Variants in EIF3A observed in about 807,000 individuals in gnomAD.
EIF3A encodes eukaryotic translation initiation factor 3 subunit A.
Under a neutral mutation model 186.6 loss-of-function variants are expected in EIF3A, and 21 were observed. The observed-to-expected ratio is 0.11, with a 90% CI of 0.08 to 0.16. The LOEUF is 0.16. Ranked by LOEUF, EIF3A falls within the 10% of genes least tolerant of loss-of-function variation. The pLI is 1.00. For synonymous variants in EIF3A, 563 were observed against 584.3 expected, an observed-to-expected ratio of 0.96 and a Z score of 0.52; for missense variants, 1,306 against 1,796.3, an observed-to-expected ratio of 0.73 and a Z score of 4.93.
intron 15 of EIF3A, 42 bp from the exon 16 acceptor site, chr10:119,050,716 G>T (rs778536794): frequency 6.2e-7 from 1 of 1,608,700 alleles, no homozygotes; most frequent in Non-Finnish European, 8.5e-7. Context: ...GGCACACTTT[G>T]TCAAGAGCAA....
chr10:119,072,773 T>C (rs1844099481), intron 4 of EIF3A, 117 bp downstream of exon 4: 20 of 1,282,150 alleles, frequency 1.6e-5, no homozygotes, highest in Non-Finnish European at 1.9e-5. Context: ...TTAATACTCA[T>C]GTGAATGCCA....
intron 9 of EIF3A, 131 bp from the exon 10 acceptor site, chr10:119,059,849 C>A: frequency 1.0e-5 from 7 of 698,034 alleles, no homozygotes; most frequent in East Asian, 2.6e-5. Flanking sequence ...TTGTTAAAGC[C>A]AGAATGCTAA....
rs538033139 is a variant in EIF3A, at chr10:119,080,811, G to A, written c.-135C>T. 27 of 1,417,400 alleles carry A rather than the reference G, an allele frequency of 1.9e-5. No homozygotes were observed. In the Admixed American group the frequency reaches 2.4e-4, roughly 13 times the overall value. 87.8% of individuals were successfully genotyped at this position (1,417,400 alleles called of 1,614,324 possible). On this transcript the variant is annotated 5_prime_UTR_variant, in exon 1 of 22. Transcript: ENST00000369144. The stretch of plus-strand genomic sequence containing the variant: ...CGCCCGCGCCCAGCCGGCCAGAGAC[G>A]GAAAGGAAGGAGCCACGTGACCTCC...
intron 12 of EIF3A, 38 bp downstream of exon 12, chr10:119,057,918 G>A (rs1564754475): frequency 1.3e-6 from 2 of 1,544,414 alleles, no homozygotes; most frequent in South Asian, 1.2e-5. Context: ...AAAATACCTG[G>A]ATAAAACTAA....
chr10:119,061,192 G>C (rs758994391), intron 8 of EIF3A, 32 bp downstream of exon 8: 1 of 1,280,542 alleles, frequency 7.8e-7, no homozygotes, highest in South Asian at 1.3e-5. Context: ...CAACTCTGTG[G>C]TAACAACCAG....
intron 6 of EIF3A, among the ~76,000 whole-genome samples, chr10:119,067,827 T>TC (rs1844005223): frequency 2.0e-5 from 3 of 152,096 alleles, no homozygotes; most frequent in African/African-American, 7.3e-5. Flanking sequence ...TTTTTTTTTT[T>TC]TGAGATGGAG....
intron 4 of EIF3A, among the ~76,000 whole-genome samples, chr10:119,072,487 C>T (rs1844093063): frequency 6.6e-6 from 1 of 152,008 alleles, no homozygotes; most frequent in African/African-American, 2.4e-5. Flanking sequence ...CAGAGTCTTG[C>T]TGTTACCAAG....
intron 14 of EIF3A, among the ~76,000 whole-genome samples, chr10:119,054,937 C>G (rs10886373): frequency 0.51 from 76,843 of 152,060 alleles, 20,744 homozygotes; most frequent in Middle Eastern, 0.67. Flanking sequence ...GAGCTGGGCA[C>G]AGTGGCTCAC....
At chr10:119,051,064 C>T in intron 15 of EIF3A, 135 bp downstream of exon 15, 1 of 764,192 alleles carries the variant, frequency 1.3e-6, no homozygotes, top group Non-Finnish European at 2.0e-6. Flanking sequence ...AAATATCATC[C>T]AAAAATTTCT....
intron 1 of EIF3A, among the ~76,000 whole-genome samples, chr10:119,075,407 T>C (rs1844149970): frequency 6.6e-6 from 1 of 152,066 alleles, no homozygotes; most frequent in South Asian, 2.1e-4. Flanking sequence ...TTACATTATT[T>C]CTGACCAAGG....
chr10:119,047,440 C>CCT (rs1848295165), intron 17 of EIF3A, among the ~76,000 whole-genome samples: 1 of 151,896 alleles, frequency 6.6e-6, no homozygotes, highest in African/African-American at 2.4e-5. Context: ...CTAAACTCTC[C>CCT]CAAAAAAAAG....
Position 119,058,076 on chromosome 10 carries a change from T to C in EIF3A, c.1857A>G (p.Arg619=), listed in dbSNP as rs1414572232. The change falls in exon 12 of 22, where the codon AGA becomes AGG. Residue 619 remains arginine (R), a synonymous_variant. Transcript: ENST00000369144. ...GTTCCTGTAAGATACGCTCCTTCTC[T>C]CTCTCCTTTGCTTCCTGGCGCAGCC... ...EERLRQEAKE[R]EKERILQEHE... 1 of 1,614,246 alleles carries C rather than the reference T, an allele frequency of 6.2e-7. No individual in the cohort carries two copies. The highest frequency in any genetic ancestry group is 2.2e-5 in the East Asian group (1 of 44,886).
At chr10:119,050,704 A>T in intron 15 of EIF3A, 30 bp from the exon 16 acceptor site, 1 of 1,612,674 alleles carries the variant, frequency 6.2e-7, no homozygotes, top group Non-Finnish European at 8.5e-7. Flanking sequence ...CAACCCAAAA[A>T]GGGCACACTT....
Position 119,042,908 on chromosome 10 carries a change from T to TG in EIF3A, c.2748-137_2748-136insC. The TG allele has an allele frequency of 8.7e-6, 8 of 915,806 alleles. No individual in the cohort carries two copies. The highest frequency in any genetic ancestry group is 1.3e-5 in the Non-Finnish European group (8 of 633,334). The allele number at this position is 915,806 out of a possible 1,614,324, so 56.7% of individuals were successfully genotyped here. A position where few individuals can be genotyped will look rare whatever the true frequency, so the allele number is the denominator to read the frequency against. ...TGGCTCGCACCTTTAATCCCAGCACTCTGGGAAGCAGAGGCAGGCAGATCA... is the reference window on the plus strand; with the variant it reads ...TGGCTCGCACCTTTAATCCCAGCACTGCTGGGAAGCAGAGGCAGGCAGATCA... On this transcript the variant is annotated intron_variant, in intron 18 of 21. Coordinates refer to ENST00000369144, the MANE Select transcript of EIF3A (RefSeq NM_003750.4). This position sits in a 1 kb window ranked among gnomAD's most constrained non-coding sequence, Gnocchi z 7.8.
At chr10:119,074,814 A>G (rs1423712075) in intron 1 of EIF3A, among the ~76,000 whole-genome samples, 1 of 142,436 alleles carries the variant, frequency 7.0e-6, no homozygotes, top group Non-Finnish European at 1.5e-5. Flanking sequence ...ATGCCTGCGG[A>G]GGCTGAGGCA....
chr10:119,078,056 T>C (rs752251227), intron 1 of EIF3A, among the ~76,000 whole-genome samples: 3 of 152,214 alleles, frequency 2.0e-5, no homozygotes, highest in Non-Finnish European at 4.4e-5. Flanking sequence ...AAAGTATGTA[T>C]AAAGAAGTTT....
chr10:119,063,986 GGA>G (rs1843930450), intron 7 of EIF3A, among the ~76,000 whole-genome samples: 1 of 152,164 alleles, frequency 6.6e-6, no homozygotes, highest in Non-Finnish European at 1.5e-5. Flanking sequence ...GGCTGAGGTA[GGA>G]GAATCACTTG....
chr10:119,063,398 A>G (rs890165559), intron 7 of EIF3A, among the ~76,000 whole-genome samples: 1 of 152,218 alleles, frequency 6.6e-6, no homozygotes, highest in African/African-American at 2.4e-5. Flanking sequence ...TTGTTCTTAA[A>G]TTGACTACTG....
Position 119,080,753 on chromosome 10 carries a change from C to T in EIF3A, c.-77G>A, listed in dbSNP as rs984967391. 5 of 1,535,578 alleles carry T rather than the reference C, an allele frequency of 3.3e-6. No individual in the cohort carries two copies. Among genetic ancestry groups the T allele is most frequent in the East Asian group, 2.6e-5 (1 of 38,866 alleles). On this transcript the variant is annotated 5_prime_UTR_variant, in exon 1 of 22. Coordinates refer to ENST00000369144, the MANE Select transcript of EIF3A (RefSeq NM_003750.4). ...GGCCGGGAGAGGAGACGAAGGGGAA[C>T]CAGCGTAAGGTCCCACGCGCCTCGC...
Sources: allele counts gnomAD v4.1 joint callset (sites outside exome capture counted in the v4.1 genomes callset), GRCh38; gene constraint gnomAD v4.1.1; non-coding constraint Gnocchi (gnomAD v3.1); transcripts MANE v1.5; gene names NCBI Gene and HGNC (gene_info 2026-07-23, HGNC 2026-07-21).